Variants in USH2A observed in about 807,000 individuals in gnomAD.
USH2A encodes usherin, also known as Usher syndrome 2A (autosomal recessive, mild).
USH2A carries 443 observed loss-of-function variants against 538.9 expected under a neutral mutation model. The observed-to-expected ratio is 0.82, with a 90% CI of 0.76 to 0.89. The LOEUF is 0.89. USH2A is among the 40% of genes least tolerant of loss of function. The pLI is 0.00. For missense variants in USH2A, 6,633 were observed against 6,324.8 expected (o/e 1.05, Z -1.65); for synonymous variants, 2,413 against 2,273.5 (o/e 1.06, Z -1.75).
chr1:215,895,607 C>G (rs1008208614), intron 40 of USH2A, among the ~76,000 whole-genome samples: 5 of 152,146 alleles, frequency 3.3e-5, no homozygotes, highest in Admixed American at 6.6e-5. Context: ...ATGAAGGTTG[C>G]TGAGGGGAAA....
In USH2A at chr1:215,970,907, T is replaced by G. The variant is rs1030283313; in HGVS notation, c.6806-131A>C. 9.8e-6 allele frequency: 9 copies of G among 919,916 alleles called. No individual in the cohort carries two copies. In the African/African-American group the frequency reaches 1.5e-4, roughly 15 times the overall value. The allele number at this position is 919,916 out of a possible 1,614,324, so 57.0% of individuals were successfully genotyped here. The stretch of plus-strand genomic sequence containing the variant: ...AAATCACAGACTCTGGTATTTCTCC[T>G]TGTCTAAACTCTGTCTCTTACCAAA... On this transcript the variant is annotated intron_variant, in intron 35 of 71. Coordinates refer to ENST00000307340, the MANE Select transcript of USH2A (RefSeq NM_206933.4).
intron 34 of USH2A, among the ~76,000 whole-genome samples, chr1:215,996,736 A>C (rs898080043): frequency 6.6e-6 from 1 of 152,070 alleles, no homozygotes; most frequent in Non-Finnish European, 1.5e-5. Context: ...TTGTTTGCTC[A>C]GCTTCCCATT....
intron 3 of USH2A, among the ~76,000 whole-genome samples, chr1:216,393,623 A>C (rs1308841582): frequency 1.3e-5 from 2 of 152,126 alleles, no homozygotes. Context: ...TAATGTTTGC[A>C]AAACACTGAA....
chr1:215,930,459 T>C (rs549309470), intron 38 of USH2A, among the ~76,000 whole-genome samples: 2 of 152,156 alleles, frequency 1.3e-5, no homozygotes, highest in African/African-American at 4.8e-5. Context: ...ATTTATATAC[T>C]CTATAATGCC....
chr1:215,677,415 T>G (rs1658069427), intron 62 of USH2A, among the ~76,000 whole-genome samples: 1 of 152,196 alleles, frequency 6.6e-6, no homozygotes, highest in Non-Finnish European at 1.5e-5. Context: ...AGTCTCCACC[T>G]ATTGCTCCAT....
At chr1:216,351,987 C>A (rs377061746) in intron 4 of USH2A, among the ~76,000 whole-genome samples, 55 of 152,054 alleles carry the variant, frequency 3.6e-4, no homozygotes, top group African/African-American at 1.2e-3. Flanking sequence ...AGTGAGAGAG[C>A]TTAAGAAAAC....
In USH2A at chr1:215,628,984, T is replaced by TGC. The variant is rs759056570; in HGVS notation, c.15347_15348dup (p.Ser5117AlafsTer19). 6.2e-7 allele frequency: 1 copy of TGC among 1,613,918 alleles called. No homozygotes were observed. The highest frequency in any genetic ancestry group is 1.3e-5 in the African/African-American group (1 of 75,042). On this transcript the variant is annotated frameshift_variant, in exon 71 of 72. Coordinates refer to ENST00000307340, the MANE Select transcript of USH2A (RefSeq NM_206933.4). LOFTEE classifies it high-confidence loss of function. ...CGCAGGACACATGCACTCCGGTTGC[T>TGC]GCGGATACTCACAGGTGTCCCAGAC...
Position 215,875,859 on chromosome 1 carries a change from A to G in USH2A, c.8681+1899T>C, listed in dbSNP as rs575037758. Among the ~76,000 whole-genome samples, 9 of 147,132 alleles carry G rather than the reference A, an allele frequency of 6.1e-5. No individual in the cohort carries two copies. The South Asian group carries it at 1.9e-3, about 31-fold the overall frequency. Reference sequence around the variant, plus strand: ...GATAACTCTGAGGACAGCAATTAATATATATATTAATTATATATATTATTA... The same window carrying G: ...GATAACTCTGAGGACAGCAATTAATGTATATATTAATTATATATATTATTA... On this transcript the variant is annotated intron_variant, in intron 43 of 71. Transcript: ENST00000307340.
intron 30 of USH2A, among the ~76,000 whole-genome samples, chr1:216,069,596 T>A (rs139381301): frequency 2.0e-3 from 305 of 152,294 alleles, no homozygotes; most frequent in African/African-American, 6.8e-3. Context: ...TATTTCATTA[T>A]AATCATTCTT....
intron 3 of USH2A, among the ~76,000 whole-genome samples, chr1:216,405,864 G>A (rs1260361476): frequency 6.6e-6 from 1 of 152,188 alleles, no homozygotes; most frequent in Non-Finnish European, 1.5e-5. Context: ...GACTATCAAT[G>A]CCCTTAACAA....
intron 38 of USH2A, among the ~76,000 whole-genome samples, chr1:215,917,935 C>A (rs1171875934): frequency 1.3e-5 from 2 of 151,900 alleles, no homozygotes; most frequent in African/African-American, 4.8e-5. Flanking sequence ...TACACTCTAG[C>A]CAGGGTGTCA....
At chr1:216,415,848 T>G (rs1215179756) in intron 3 of USH2A, among the ~76,000 whole-genome samples, 2 of 151,996 alleles carry the variant, frequency 1.3e-5, no homozygotes, top group African/African-American at 4.8e-5. Flanking sequence ...TATAACAACT[T>G]TTGAGTAATC....
chr1:215,750,370 C>T (rs772197753), intron 58 of USH2A, among the ~76,000 whole-genome samples: 1 of 151,996 alleles, frequency 6.6e-6, no homozygotes, highest in Non-Finnish European at 1.5e-5. Flanking sequence ...GGGACAGTGT[C>T]TCATTCCTCT....
At chr1:215,933,685 TG>T (rs1471473069) in intron 38 of USH2A, among the ~76,000 whole-genome samples, 1 of 151,948 alleles carries the variant, frequency 6.6e-6, no homozygotes, top group Non-Finnish European at 1.5e-5. Flanking sequence ...TAACTGGAAG[TG>T]GGGTTAACCT....
intron 39 of USH2A, 68 bp downstream of exon 39, chr1:215,900,687 A>T: frequency 1.9e-6 from 3 of 1,605,438 alleles, no homozygotes; most frequent in Admixed American, 1.7e-5. Flanking sequence ...GAACTGACCT[A>T]CTCTTCAAAA....
chr1:215,885,949 T>C (rs12091359), intron 41 of USH2A, among the ~76,000 whole-genome samples: 28,665 of 152,158 alleles, frequency 0.19, 3,017 homozygotes, highest in South Asian at 0.32. Flanking sequence ...CTTCCAGGTA[T>C]ATTACATAGT....
intron 37 of USH2A, among the ~76,000 whole-genome samples, chr1:215,937,489 A>G (rs1558170870): frequency 6.6e-6 from 1 of 152,142 alleles, no homozygotes; most frequent in Non-Finnish European, 1.5e-5. Flanking sequence ...CCCCAAGTAC[A>G]TAAGACATAA....
At chr1:215,769,927 T>C (rs1322680339) in intron 55 of USH2A, among the ~76,000 whole-genome samples, 3 of 152,188 alleles carry the variant, frequency 2.0e-5, no homozygotes, top group Non-Finnish European at 2.9e-5. Flanking sequence ...ATTGGCACTT[T>C]ATCCTCAAGA....
chr1:215,844,604 C>CAGCGAAAAGCAGA, intron 45 of USH2A, 108 bp from the exon 46 acceptor site: 1 of 1,110,208 alleles, frequency 9.0e-7, no homozygotes, highest in Non-Finnish European at 1.3e-6. Context: ...CCTCGCTTAT[C>CAGCGAAAAGCAGA]TGCTTTTCGC....
Sources: gnomAD v4.1 joint callset for allele counts (sites outside exome capture counted in the v4.1 genomes callset) on GRCh38, gnomAD v4.1.1 for gene constraint, MANE v1.5 for transcripts, NCBI Gene and HGNC (gene_info 2026-07-23, HGNC 2026-07-21) for gene names.